ACTMAP: variants seen among roughly 807,000 people sequenced by gnomAD.
The protein encoded by ACTMAP is actin maturation protease.
At chr19:40,742,630 G>C in the ACTMAP span, 1 of 1,613,228 alleles carries the variant, frequency 6.2e-7, no homozygotes, top group Non-Finnish European at 8.5e-7. Context: ...TTGGACAGCA[G>C]GTAGACAGCT....
At chr19:40,743,899 A>G in the ACTMAP span, 1 of 1,613,862 alleles carries the variant, frequency 6.2e-7, no homozygotes, top group East Asian at 2.2e-5. Context: ...AGGAGGGGGA[A>G]CCCACCTGCA....
the ACTMAP span, chr19:40,749,465 G>A: frequency 6.5e-7 from 1 of 1,546,994 alleles, no homozygotes. Flanking sequence ...TGGTGGGTGG[G>A]GCATGGAGAC....
At chr19:40,749,182 G>A in the ACTMAP span, among the ~76,000 whole-genome samples, 10 of 151,948 alleles carry the variant, frequency 6.6e-5, no homozygotes, top group East Asian at 3.9e-4. Flanking sequence ...ATAGAGATGC[G>A]GTTTCACCAT....
chr19:40,742,765 G>A, the ACTMAP span: 1 of 1,605,744 alleles, frequency 6.2e-7, no homozygotes, highest in African/African-American at 1.3e-5. Context: ...ACACCCAGCA[G>A]GACCCCTGGG....
the ACTMAP span, chr19:40,749,935 G>A: frequency 2.9e-6 from 2 of 684,972 alleles, no homozygotes; most frequent in Admixed American, 8.0e-5. Flanking sequence ...ACTGAGCAGT[G>A]GGTGTGAAAG....
chr19:40,744,276 C>CA, the ACTMAP span: 2 of 1,456,374 alleles, frequency 1.4e-6, no homozygotes. Flanking sequence ...GCGATGCTTC[C>CA]AACCCTCACC....
the ACTMAP span, among the ~76,000 whole-genome samples, chr19:40,747,703 A>G: frequency 6.6e-6 from 1 of 151,950 alleles, no homozygotes; most frequent in African/African-American, 2.4e-5. Flanking sequence ...AAAAAAATAT[A>G]TATGTACAAA....
chr19:40,742,591 A>ACTCTTGC, the ACTMAP span: 1 of 1,609,880 alleles, frequency 6.2e-7, no homozygotes, highest in Non-Finnish European at 8.5e-7. Flanking sequence ...TCGTAGTCCC[A>ACTCTTGC]CAGCTGATAG....
the ACTMAP span, chr19:40,749,663 A>C: frequency 6.5e-7 from 1 of 1,542,436 alleles, no homozygotes; most frequent in South Asian, 1.2e-5. Context: ...GGGTCTGCTG[A>C]CTCCAGGGAG....
chr19:40,744,203 G>C, the ACTMAP span: 1 of 1,560,832 alleles, frequency 6.4e-7, no homozygotes, highest in South Asian at 1.2e-5. Context: ...GCCACTGCAG[G>C]GTGAGAGCAC....
chr19:40,744,490 G>A, the ACTMAP span: 1 of 1,586,978 alleles, frequency 6.3e-7, no homozygotes, highest in Non-Finnish European at 8.5e-7. Context: ...ACGGCTGCCA[G>A]CATCCCACCC....
chr19:40,749,539 C>A, the ACTMAP span: 1 of 1,551,264 alleles, frequency 6.4e-7, no homozygotes, highest in African/African-American at 1.4e-5. Context: ...GGGACCGGGC[C>A]GGCCTTATCA....
the ACTMAP span, chr19:40,741,843 T>G: frequency 2.2e-6 from 1 of 456,402 alleles, no homozygotes; most frequent in South Asian, 1.5e-5. Context: ...CACAGGTAAC[T>G]GCTCCCAGAT....
chr19:40,749,246 C>T, the ACTMAP span, among the ~76,000 whole-genome samples: 1 of 152,186 alleles, frequency 6.6e-6, no homozygotes, highest in Non-Finnish European at 1.5e-5. Flanking sequence ...CCGCCTCGGC[C>T]TCCCAAAGTG....
chr19:40,742,270 G>A, the ACTMAP span: 1 of 769,500 alleles, frequency 1.3e-6, no homozygotes, highest in Admixed American at 2.1e-5. Context: ...TCTCCCTAGA[G>A]GGACCAGCTG....
the ACTMAP span, chr19:40,740,955 C>T: frequency 2.5e-6 from 1 of 398,684 alleles, no homozygotes; most frequent in Non-Finnish European, 4.4e-6. Flanking sequence ...AAGAGGCAGG[C>T]TCCAAGCAGG....
chr19:40,742,943 G>A, the ACTMAP span, among the ~76,000 whole-genome samples: 1 of 152,130 alleles, frequency 6.6e-6, no homozygotes, highest in South Asian at 2.1e-4. Context: ...CGTGGCACCC[G>A]GCTCCAAAGC....
chr19:40,745,031 G>A, the ACTMAP span: 60 of 1,404,288 alleles, frequency 4.3e-5, no homozygotes, highest in Admixed American at 1.4e-4. Flanking sequence ...TCCCAGCAGG[G>A]ACAATCCACT....
the ACTMAP span, chr19:40,744,321 T>C: frequency 6.4e-6 from 9 of 1,404,870 alleles, no homozygotes; most frequent in Non-Finnish European, 8.5e-6. Context: ...ATGCAGAAAA[T>C]GAGGCACAAA....
Sources: allele counts gnomAD v4.1 joint callset (sites outside exome capture counted in the v4.1 genomes callset), GRCh38; gene constraint gnomAD v4.1.1; transcripts MANE v1.5; gene names NCBI Gene and HGNC (gene_info 2026-07-23, HGNC 2026-07-21).